The following TRERF1 variants were observed in gnomAD, a reference collection of about 807,000 sequenced individuals.
TRERF1 encodes the protein transcriptional regulating factor 1, also known as transcriptional-regulating factor 1.
In TRERF1, 27 loss-of-function variants were observed where a neutral mutation model predicts 122.9. The observed-to-expected ratio is 0.22, with a 90% CI of 0.16 to 0.30. The LOEUF (loss-of-function observed/expected upper bound fraction) is 0.30, where lower values mean the gene tolerates loss of function less well. Ranked by LOEUF, TRERF1 falls within the 10% of genes least tolerant of loss-of-function variation. The pLI is 1.00. For missense variants in TRERF1, 1,248 were observed against 1,560.3 expected, an observed-to-expected ratio of 0.80 and a Z score of 3.37; for synonymous variants, 636 against 641.7, an observed-to-expected ratio of 0.99 and a Z score of 0.13.
rs778977000 is a variant in TRERF1, at chr6:42,232,847, C to T, written c.3112G>A (p.Gly1038Arg). 103 of 1,610,862 alleles carry T rather than the reference C, an allele frequency of 6.4e-5. No homozygotes were observed. The highest frequency in any genetic ancestry group is 1.6e-4 in the East Asian group (7 of 44,838). ...GCCTTGGTCACCTGGTTGGTGCCCC[C>T]GTGGATGCGGGCATGGCCATTCAGT... The change falls in exon 17 of 18, where the codon GGG (glycine) becomes AGG (arginine). Residue 1038 changes from glycine (G) to arginine (R), a missense_variant. Around this residue, in one of 5 missense-constraint regions of TRERF1, gnomAD observed 159 missense variants for 221.7 expected, o/e 0.72. Coordinates refer to ENST00000372922, the Ensembl canonical transcript of TRERF1. The surrounding 1 kb of genome is among the most constrained non-coding windows in gnomAD (Gnocchi z 4.5).
intron 3 of TRERF1, among the ~76,000 whole-genome samples, chr6:42,318,440 A>C (rs932682333): frequency 6.6e-6 from 1 of 152,200 alleles, no homozygotes; most frequent in Non-Finnish European, 1.5e-5. Flanking sequence ...TCTACACTTC[A>C]CTTGGTGGAG....
At chr6:42,378,168 G>A (rs887689667) in intron 2 of TRERF1, among the ~76,000 whole-genome samples, 9 of 152,156 alleles carry the variant, frequency 5.9e-5, no homozygotes, top group South Asian at 2.1e-4. Flanking sequence ...GGAGATAAGC[G>A]GATGAGGGGT....
intron 4 of TRERF1, among the ~76,000 whole-genome samples, chr6:42,297,502 T>G (rs925957795): frequency 6.6e-6 from 1 of 152,228 alleles, no homozygotes; most frequent in African/African-American, 2.4e-5. Flanking sequence ...ATGGCTCCAC[T>G]CCACAAAATT....
At chr6:42,243,422 C>T in intron 14 of TRERF1, 61 bp from the exon 15 acceptor site, 1 of 1,186,928 alleles carries the variant, frequency 8.4e-7, no homozygotes, top group Non-Finnish European at 1.3e-6. Context: ...AGGTAGCAAG[C>T]ATTTTTGAAT....
At chr6:42,295,659 G>A (rs919191429) in intron 4 of TRERF1, among the ~76,000 whole-genome samples, 1 of 152,070 alleles carries the variant, frequency 6.6e-6, no homozygotes, top group African/African-American at 2.4e-5. Flanking sequence ...TTCCCTCTTG[G>A]ATATCCACTC....
chr6:42,266,238 T>C (rs1779162728), intron 5 of TRERF1, among the ~76,000 whole-genome samples: 1 of 149,010 alleles, frequency 6.7e-6, no homozygotes, highest in Non-Finnish European at 1.5e-5. Flanking sequence ...ACCCAGGCTG[T>C]AGTGCAGTAG....
chr6:42,272,539 G>A (rs1261925600), intron 4 of TRERF1, among the ~76,000 whole-genome samples: 2 of 152,196 alleles, frequency 1.3e-5, no homozygotes, highest in African/African-American at 4.8e-5. Flanking sequence ...ATCAGAATCT[G>A]TATTTTATTG....
At chr6:42,283,499 G>A (rs1561906516) in intron 4 of TRERF1, among the ~76,000 whole-genome samples, 1 of 151,750 alleles carries the variant, frequency 6.6e-6, no homozygotes, top group Non-Finnish European at 1.5e-5. Context: ...TTGGGGAAAA[G>A]AGCAGGAGGG....
intron 3 of TRERF1, among the ~76,000 whole-genome samples, chr6:42,358,399 T>C (rs1047798183): frequency 2.6e-5 from 4 of 152,208 alleles, no homozygotes; most frequent in Non-Finnish European, 5.9e-5. Context: ...CCAATCAAGA[T>C]ATGACTCTAG....
At chr6:42,344,976 C>T (rs956095350) in intron 3 of TRERF1, among the ~76,000 whole-genome samples, 1 of 152,164 alleles carries the variant, frequency 6.6e-6, no homozygotes, top group African/African-American at 2.4e-5. Context: ...GTGCTGGACA[C>T]GTGGTAAGCA....
intron 2 of TRERF1, among the ~76,000 whole-genome samples, chr6:42,403,510 G>T (rs1045531023): frequency 6.6e-6 from 1 of 152,212 alleles, no homozygotes; most frequent in Non-Finnish European, 1.5e-5. Flanking sequence ...GGAGCCAGGA[G>T]AGAGGCACGG....
chr6:42,425,034 G>A (rs965257512), intron 2 of TRERF1, among the ~76,000 whole-genome samples: 2 of 152,160 alleles, frequency 1.3e-5, no homozygotes, highest in South Asian at 2.1e-4. Context: ...TTAAAAGCCC[G>A]GGCTCGTGAC....
intron 2 of TRERF1, among the ~76,000 whole-genome samples, chr6:42,410,564 A>G (rs1022693451): frequency 6.6e-6 from 1 of 152,202 alleles, no homozygotes; most frequent in African/African-American, 2.4e-5. Flanking sequence ...TCCTCTGTGA[A>G]GCCTTCCCAA....
intron 2 of TRERF1, among the ~76,000 whole-genome samples, chr6:42,439,748 A>G (rs1202841367): frequency 6.6e-6 from 1 of 152,168 alleles, no homozygotes; most frequent in Non-Finnish European, 1.5e-5. Flanking sequence ...TGGCCTTCTG[A>G]ACTGTTAGAA....
chr6:42,413,758 C>G (rs1049103882), intron 2 of TRERF1, among the ~76,000 whole-genome samples: 23 of 152,044 alleles, frequency 1.5e-4, no homozygotes, highest in African/African-American at 4.8e-4. Context: ...AGCTCTAGAC[C>G]CAAGGAGCTT....
chr6:42,321,831 C>G (rs1234595892), intron 3 of TRERF1, among the ~76,000 whole-genome samples: 2 of 152,182 alleles, frequency 1.3e-5, no homozygotes, highest in Non-Finnish European at 2.9e-5. Flanking sequence ...AAAAAAATCA[C>G]TAGGCAAATC....
chr6:42,237,516 C>T (rs370176883), intron 15 of TRERF1, among the ~76,000 whole-genome samples: 7 of 152,166 alleles, frequency 4.6e-5, no homozygotes, highest in African/African-American at 1.4e-4. Flanking sequence ...ACAGACCTGT[C>T]GTTTTATAAA....
chr6:42,258,987 G>A (rs543274676), intron 9 of TRERF1, among the ~76,000 whole-genome samples: 6 of 151,886 alleles, frequency 4.0e-5, no homozygotes, highest in Non-Finnish European at 5.9e-5. Flanking sequence ...CACCCGCCTC[G>A]ACCTCCGAAA....
rs112432689 is a variant in TRERF1, at chr6:42,347,573, G to T, written c.-371+15424C>A. ...ACTGCAAAACCATGTATAAATGCTG[G>T]TCATGTCGGAGACCTCAGGACAGCA... On this transcript the variant is annotated intron_variant, in intron 3 of 17. Transcript: ENST00000372922. Among the ~76,000 whole-genome samples, 1,483 of 152,260 alleles carry T rather than the reference G, an allele frequency of 9.7e-3. 23 individuals carry two copies. Among genetic ancestry groups the T allele is most frequent in the African/African-American group, 0.033 (1,359 of 41,540 alleles).
Sources: gnomAD v4.1 joint callset for allele counts (sites outside exome capture counted in the v4.1 genomes callset) on GRCh38, gnomAD v4.1.1 for gene constraint, gnomAD v4.1.1 regional missense constraint, Gnocchi (gnomAD v3.1) non-coding constraint, MANE v1.5 for transcripts, NCBI Gene and HGNC (gene_info 2026-07-23, HGNC 2026-07-21) for gene names.